The following SNTG1 variants were observed in gnomAD, a reference collection of about 807,000 sequenced individuals.
SNTG1 encodes gamma-1-syntrophin.
A neutral mutation model predicts 74.7 loss-of-function variants in SNTG1; 39 were observed. That is an observed-to-expected ratio of 0.52 (90% CI 0.40 to 0.68). SNTG1 has a LOEUF of 0.68. Among genes scored for constraint, SNTG1 ranks in the 30% least tolerant of loss-of-function variants. The probability of loss-of-function intolerance (pLI) is 0.00; values close to 1 mark genes in which losing one functional copy is unlikely to be tolerated. For synonymous variants in SNTG1, 254 were observed against 217.1 expected (o/e 1.17, Z -1.49); for missense variants, 685 against 609.5 (o/e 1.12, Z -1.30).
intron 1 of SNTG1, among the ~76,000 whole-genome samples, chr8:50,110,859 G>A (rs753978752): frequency 1.3e-5 from 2 of 152,008 alleles, no homozygotes; most frequent in Non-Finnish European, 2.9e-5. Flanking sequence ...CCAATGGGGA[G>A]GGTTGCCATA....
rs370186874 is a variant in SNTG1 at position 50,446,865 on chromosome 8, G to C, written c.220-2803G>C. Among the ~76,000 whole-genome samples the C allele has an allele frequency of 1.3e-5, 2 of 152,180 alleles. 1 individual carries two copies. Among genetic ancestry groups the C allele is most frequent in the African/African-American group, 4.8e-5 (2 of 41,506 alleles). On this transcript the variant is annotated intron_variant, in intron 5 of 18. Coordinates refer to ENST00000642720, the MANE Select transcript of SNTG1 (RefSeq NM_018967.5). ...CATTCCAAGACCCCAGTAGTTGCCCGAAACTGCAGACAGTATTGAATCTTA... is the reference window on the plus strand; with the variant it reads ...CATTCCAAGACCCCAGTAGTTGCCCCAAACTGCAGACAGTATTGAATCTTA...
chr8:50,680,014 G>A (rs2095324833), intron 15 of SNTG1, among the ~76,000 whole-genome samples: 1 of 152,100 alleles, frequency 6.6e-6, no homozygotes, highest in South Asian at 2.1e-4. Flanking sequence ...GGAATCAAGA[G>A]CAGAAATGGA....
intron 1 of SNTG1, among the ~76,000 whole-genome samples, chr8:50,071,126 T>A (rs73571390): frequency 0.075 from 11,447 of 152,212 alleles, 1,379 homozygotes; most frequent in African/African-American, 0.26. Flanking sequence ...CAGATTCAAG[T>A]GGAGATCCCA....
At chr8:50,209,170 G>A (rs986903485) in intron 2 of SNTG1, among the ~76,000 whole-genome samples, 1 of 152,140 alleles carries the variant, frequency 6.6e-6, no homozygotes, top group Non-Finnish European at 1.5e-5. Flanking sequence ...AGTGAGGCTG[G>A]GGGAGGGGTG....
chr8:50,284,793 A>G (rs1170080538), intron 2 of SNTG1, among the ~76,000 whole-genome samples: 1 of 152,146 alleles, frequency 6.6e-6, no homozygotes, highest in African/African-American at 2.4e-5. Context: ...TGTTAATTAC[A>G]TATATACTTA....
chr8:50,380,847 T>C (rs1349606973), intron 2 of SNTG1, among the ~76,000 whole-genome samples: 2 of 152,232 alleles, frequency 1.3e-5, no homozygotes, highest in African/African-American at 4.8e-5. Flanking sequence ...GAGTGTTAGA[T>C]TTAATCATAA....
chr8:50,052,430 GC>G (rs1456745807), intron 1 of SNTG1, among the ~76,000 whole-genome samples: 1 of 152,046 alleles, frequency 6.6e-6, no homozygotes. Flanking sequence ...AACTTAAAAT[GC>G]ATTATGCACT....
chr8:50,005,867 C>T lies in SNTG1; in HGVS notation c.-103+93636C>T, dbSNP rs578250712. Reference sequence around the variant, plus strand: ...TCTGTGGACCTGTCATCTAGCTCACCGTCTCTGTCATCTCAGCTCCAAAAC... The same window carrying T: ...TCTGTGGACCTGTCATCTAGCTCACTGTCTCTGTCATCTCAGCTCCAAAAC... On this transcript the variant is annotated intron_variant, in intron 1 of 18. Transcript: ENST00000642720. Among the ~76,000 whole-genome samples, 12 of 151,642 alleles carry T rather than the reference C, an allele frequency of 7.9e-5. No homozygotes were observed. In the East Asian group the frequency reaches 9.7e-4, roughly 12 times the overall value.
chr8:50,588,797 A>C, intron 12 of SNTG1, among the ~76,000 whole-genome samples: 1 of 152,270 alleles, frequency 6.6e-6, no homozygotes. Context: ...ACTTTAAAGA[A>C]TATTACTTCT....
intron 13 of SNTG1, among the ~76,000 whole-genome samples, chr8:50,604,880 G>C (rs765489672): frequency 2.0e-4 from 30 of 152,214 alleles, no homozygotes; most frequent in Middle Eastern, 3.4e-3. Flanking sequence ...CATGTCTTAG[G>C]GTGTCACCAA....
intron 15 of SNTG1, among the ~76,000 whole-genome samples, chr8:50,672,276 G>T (rs537026183): frequency 6.6e-6 from 1 of 152,152 alleles, no homozygotes; most frequent in South Asian, 2.1e-4. Context: ...TTCCAAAATG[G>T]TTGAACTAAT....
At chr8:50,625,655 G>C (rs1489453608) in intron 13 of SNTG1, among the ~76,000 whole-genome samples, 10 of 152,136 alleles carry the variant, frequency 6.6e-5, no homozygotes, top group Non-Finnish European at 1.5e-5. Flanking sequence ...AAAAGTAAAT[G>C]AATACTTTAA....
chr8:50,675,338 A>C (rs201555050), intron 15 of SNTG1, among the ~76,000 whole-genome samples: 2 of 151,864 alleles, frequency 1.3e-5, no homozygotes, highest in Admixed American at 6.6e-5. Flanking sequence ...ATGAATCTGG[A>C]TGCTCCTCTA....
At chr8:50,745,235 A>T (rs117266133) in intron 17 of SNTG1, among the ~76,000 whole-genome samples, 3,795 of 152,070 alleles carry the variant, frequency 0.025, 62 homozygotes, top group Middle Eastern at 0.041. Context: ...TCAAAATAGA[A>T]CATGAGTAGA....
At chr8:49,978,300 A>G (rs1473556995) in intron 1 of SNTG1, among the ~76,000 whole-genome samples, 1 of 152,110 alleles carries the variant, frequency 6.6e-6, no homozygotes, top group African/African-American at 2.4e-5. Flanking sequence ...AGAGGAGAGG[A>G]GAGGGAAGAA....
chr8:50,575,680 G>C (rs2094573259), intron 12 of SNTG1: 1 of 152,244 alleles, frequency 6.6e-6, no homozygotes, highest in Admixed American at 6.5e-5. Flanking sequence ...CTAGTGTGCA[G>C]GGTCGGCAGT....
At chr8:50,035,525 A>G (rs1818082963) in intron 1 of SNTG1, among the ~76,000 whole-genome samples, 1 of 152,216 alleles carries the variant, frequency 6.6e-6, no homozygotes, top group Non-Finnish European at 1.5e-5. Flanking sequence ...GAAACATAGA[A>G]GTCAAATATT....
At chr8:50,760,586 T>C (rs1433485021) in intron 18 of SNTG1, among the ~76,000 whole-genome samples, 1 of 151,944 alleles carries the variant, frequency 6.6e-6, no homozygotes, top group Non-Finnish European at 1.5e-5. Flanking sequence ...TTTCTGCATT[T>C]ATTGAGATAA....
intron 1 of SNTG1, among the ~76,000 whole-genome samples, chr8:50,065,135 C>T (rs1820800180): frequency 6.6e-6 from 1 of 152,070 alleles, no homozygotes; most frequent in Non-Finnish European, 1.5e-5. Context: ...AATAGTTATT[C>T]AAATATCATG....
Sources: allele counts gnomAD v4.1 joint callset (sites outside exome capture counted in the v4.1 genomes callset), GRCh38; gene constraint gnomAD v4.1.1; transcripts MANE v1.5; gene names NCBI Gene and HGNC (gene_info 2026-07-23, HGNC 2026-07-21).